The following LDAH variants were observed in gnomAD, a reference collection of about 807,000 sequenced individuals.
LDAH encodes the protein lipid droplet associated hydrolase, also known as lipid droplet-associated hydrolase.
LDAH carries 26 observed loss-of-function variants against 29.6 expected under a neutral mutation model. The ratio of observed to expected loss-of-function variants is 0.88; its 90% confidence interval spans 0.64 to 1.22. The LOEUF (loss-of-function observed/expected upper bound fraction) is 1.22, where lower values mean the gene tolerates loss of function less well. LDAH is among the 50% of genes most tolerant of loss of function. The pLI is 0.00. For missense variants in LDAH, 344 were observed against 387.3 expected (o/e 0.89, Z 0.94); for synonymous variants, 117 against 133.0 (o/e 0.88, Z 0.83).
intron 4 of LDAH, among the ~76,000 whole-genome samples, chr2:20,745,340 T>C (rs532828714): frequency 7.9e-5 from 12 of 152,354 alleles, no homozygotes; most frequent in African/African-American, 2.4e-4. Context: ...GTTTTTCTAA[T>C]AGACATCTTA....
intron 5 of LDAH, among the ~76,000 whole-genome samples, chr2:20,708,070 C>T (rs1322576871): frequency 6.6e-6 from 1 of 152,118 alleles, no homozygotes; most frequent in African/African-American, 2.4e-5. Flanking sequence ...CTCAGGGCTC[C>T]CTCCCACTTT....
At chr2:20,762,975 C>T (rs1668791828) in intron 4 of LDAH, among the ~76,000 whole-genome samples, 1 of 152,202 alleles carries the variant, frequency 6.6e-6, no homozygotes, top group African/African-American at 2.4e-5. Flanking sequence ...ACTTACACAC[C>T]AAAGAGCTTC....
At chr2:20,756,279 C>A (rs373285991) in intron 4 of LDAH, among the ~76,000 whole-genome samples, 1 of 152,124 alleles carries the variant, frequency 6.6e-6, no homozygotes, top group Non-Finnish European at 1.5e-5. Context: ...AGGTGATCCA[C>A]CCACCTCGGC....
chr2:20,688,243 T>G (rs962422650), intron 6 of LDAH, among the ~76,000 whole-genome samples: 1 of 152,104 alleles, frequency 6.6e-6, no homozygotes, highest in Non-Finnish European at 1.5e-5. Flanking sequence ...GATGCCTCAG[T>G]TGAGTCTTCA....
chr2:20,701,493 A>T (rs1663931989), intron 6 of LDAH, 77 bp downstream of exon 6: 1 of 1,161,422 alleles, frequency 8.6e-7, no homozygotes, highest in Non-Finnish European at 1.3e-6. Flanking sequence ...ACAGATTCTA[A>T]CTAGTTCTAG....
chr2:20,744,802 T>G (rs1667458684), intron 4 of LDAH, among the ~76,000 whole-genome samples: 1 of 152,196 alleles, frequency 6.6e-6, no homozygotes, highest in Non-Finnish European at 1.5e-5. Context: ...TCCTGGAGTT[T>G]AAAACTTTCA....
intron 2 of LDAH, among the ~76,000 whole-genome samples, chr2:20,796,393 A>G (rs534853678): frequency 6.6e-6 from 1 of 152,256 alleles, no homozygotes; most frequent in South Asian, 2.1e-4. Context: ...CCTCACTATT[A>G]CAACAACCTC....
chr2:20,690,403 C>T (rs1440223637), intron 6 of LDAH, among the ~76,000 whole-genome samples: 2 of 152,128 alleles, frequency 1.3e-5, no homozygotes, highest in African/African-American at 2.4e-5. Context: ...GAAGTGGGCC[C>T]CATTTGGTTA....
chr2:20,698,213 G>A lies in LDAH; in HGVS notation c.786+3357C>T, dbSNP rs1002674098. Among the ~76,000 whole-genome samples the A allele has an allele frequency of 8.5e-5, 13 of 152,214 alleles. No homozygotes were observed. The highest frequency in any genetic ancestry group is 2.7e-4 in the African/African-American group (11 of 41,468). On this transcript the variant is annotated intron_variant, in intron 6 of 6. Coordinates refer to ENST00000237822, the MANE Select transcript of LDAH (RefSeq NM_021925.4). The surrounding 1 kb of genome is among the most constrained non-coding windows in gnomAD (Gnocchi z 4.4). ...GTATGAATTATGCTAGGCCCTAGGG[G>A]ACATCAAGACGAAGAAGACACAGCT...
chr2:20,716,269 C>A (rs537587072), intron 5 of LDAH, among the ~76,000 whole-genome samples: 1 of 152,100 alleles, frequency 6.6e-6, no homozygotes, highest in Non-Finnish European at 1.5e-5. Flanking sequence ...TATAAAGACA[C>A]ATGCACACGT....
intron 4 of LDAH, among the ~76,000 whole-genome samples, chr2:20,768,459 GC>G (rs1363919695): frequency 2.6e-5 from 4 of 152,156 alleles, no homozygotes; most frequent in African/African-American, 9.7e-5. Flanking sequence ...ACCTGGAGCT[GC>G]CTGCCCCATG....
chr2:20,687,649 A>G (rs1662665648), intron 6 of LDAH, among the ~76,000 whole-genome samples: 1 of 152,198 alleles, frequency 6.6e-6, no homozygotes, highest in South Asian at 2.1e-4. Context: ...ATGTTGATTC[A>G]GTGGGGAAGT....
chr2:20,768,170 C>T (rs547385126), intron 4 of LDAH, among the ~76,000 whole-genome samples: 11 of 152,304 alleles, frequency 7.2e-5, no homozygotes, highest in South Asian at 2.1e-4. Context: ...TGATGAGTGG[C>T]GAGGCTAAAA....
intron 5 of LDAH, among the ~76,000 whole-genome samples, chr2:20,721,060 T>C (rs970196336): frequency 3.3e-5 from 5 of 152,082 alleles, no homozygotes; most frequent in Non-Finnish European, 7.4e-5. Context: ...AGGACATTGG[T>C]CTGGGGAAAG....
chr2:20,724,261 T>C (rs189205130), intron 5 of LDAH, among the ~76,000 whole-genome samples: 173 of 152,348 alleles, frequency 1.1e-3, no homozygotes, highest in Middle Eastern at 0.01. Flanking sequence ...ATAGAACTGA[T>C]CTCTCCTTTC....
chr2:20,702,376 T>C (rs1479226817), intron 5 of LDAH, among the ~76,000 whole-genome samples: 1 of 152,234 alleles, frequency 6.6e-6, no homozygotes, highest in South Asian at 2.1e-4. Flanking sequence ...TTTCAATCTT[T>C]TGTCATTTTG....
intron 3 of LDAH, among the ~76,000 whole-genome samples, chr2:20,787,540 T>C (rs532519352): frequency 5.9e-5 from 9 of 152,268 alleles, no homozygotes; most frequent in African/African-American, 1.4e-4. Context: ...ATGATCTGCC[T>C]GCCTTGGCCT....
At position 20,698,338 on chromosome 2, in the gene LDAH, A is replaced by G. The variant is rs542051756; in HGVS notation, c.786+3232T>C. ...AGGGAGTAACATCTAACCAAAACCAAGGACTGGGAAGGCCTCTTGGGGATG... is the reference window on the plus strand; with the variant it reads ...AGGGAGTAACATCTAACCAAAACCAGGGACTGGGAAGGCCTCTTGGGGATG... On this transcript the variant is annotated intron_variant, in intron 6 of 6. Transcript: ENST00000237822. The surrounding 1 kb of genome is among the most constrained non-coding windows in gnomAD (Gnocchi z 4.4). Among the ~76,000 whole-genome samples the G allele has an allele frequency of 3.9e-5, 6 of 152,354 alleles. No individual in the cohort carries two copies. The East Asian group carries it at 9.6e-4, about 24-fold the overall frequency.
intron 6 of LDAH, among the ~76,000 whole-genome samples, chr2:20,691,837 C>T (rs550616104): frequency 6.6e-6 from 1 of 152,080 alleles, no homozygotes; most frequent in Non-Finnish European, 1.5e-5. Context: ...TTGGCTTTTC[C>T]TCCTGTGTTT....
Sources: allele counts gnomAD v4.1 joint callset (sites outside exome capture counted in the v4.1 genomes callset), GRCh38; gene constraint gnomAD v4.1.1; non-coding constraint Gnocchi (gnomAD v3.1); transcripts MANE v1.5; gene names NCBI Gene and HGNC (gene_info 2026-07-23, HGNC 2026-07-21).